WWC1: variants seen among roughly 807,000 people sequenced by gnomAD.
WWC1 encodes protein KIBRA.
In WWC1, 55 loss-of-function variants were observed where a neutral mutation model predicts 138.4. That is an observed-to-expected ratio of 0.40 (90% CI 0.32 to 0.50). WWC1 has a LOEUF of 0.50. Ranked by LOEUF, WWC1 falls within the 20% of genes least tolerant of loss-of-function variation. The pLI, the probability that WWC1 is intolerant of heterozygous loss-of-function variation, is 0.72. For synonymous variants in WWC1, 524 were observed against 564.9 expected, an observed-to-expected ratio of 0.93 and a Z score of 1.03; for missense variants, 1,226 against 1,420.4, an observed-to-expected ratio of 0.86 and a Z score of 2.20.
chr5:168,429,812 G>A (rs571940676), intron 13 of WWC1, among the ~76,000 whole-genome samples: 3 of 152,044 alleles, frequency 2.0e-5, no homozygotes, highest in African/African-American at 4.8e-5. Context: ...GTGAACACCT[G>A]TAGTCCTAGC....
rs1185201126 is a variant in WWC1, at chr5:168,470,713, A to T, written c.*1696A>T. 6.6e-6 allele frequency: 1 copy of T among 152,102 alleles called. No individual in the cohort carries two copies. Among genetic ancestry groups the T allele is most frequent in the Non-Finnish European group, 1.5e-5 (1 of 68,112 alleles). The allele number at this position is 152,102 out of a possible 1,614,324, so 9.4% of individuals were successfully genotyped here. On this transcript the variant is annotated 3_prime_UTR_variant, in exon 23 of 23. Coordinates refer to ENST00000265293, the MANE Select transcript of WWC1 (RefSeq NM_015238.3). ...GCTGGGCGTAGTGGCGCATACCTGT[A>T]ATCCCAGCTACTTGGGTGGCCAAGG...
intron 11 of WWC1, among the ~76,000 whole-genome samples, chr5:168,425,639 A>G (rs188413949): frequency 5.2e-4 from 79 of 150,482 alleles, no homozygotes; most frequent in Admixed American, 3.9e-3. Flanking sequence ...TTACAGGTGC[A>G]CATCACCATG....
intron 16 of WWC1, among the ~76,000 whole-genome samples, chr5:168,442,464 T>C (rs1166814733): frequency 1.4e-5 from 2 of 143,118 alleles, no homozygotes; most frequent in Non-Finnish European, 3.0e-5. Flanking sequence ...AAAATTTAAT[T>C]AAAAAAAAAA....
intron 15 of WWC1, among the ~76,000 whole-genome samples, chr5:168,441,407 A>G (rs1250322519): frequency 6.6e-6 from 1 of 152,186 alleles, no homozygotes; most frequent in Non-Finnish European, 1.5e-5. Context: ...AAGATGGTAA[A>G]CTAAAGGTTT....
chr5:168,432,091 A>G (rs1439381816), intron 15 of WWC1, among the ~76,000 whole-genome samples: 2 of 151,700 alleles, frequency 1.3e-5, no homozygotes, highest in Non-Finnish European at 2.9e-5. Context: ...AAGCAAACAC[A>G]TAGGCATTCA....
At chr5:168,322,689 G>A (rs1294216904) in intron 1 of WWC1, among the ~76,000 whole-genome samples, 1 of 152,180 alleles carries the variant, frequency 6.6e-6, no homozygotes, top group East Asian at 1.9e-4. Flanking sequence ...TTATCTCTTT[G>A]TTACATAAGA....
chr5:168,384,713 C>CTTTTTTTTTTTTTTTTTTT (rs762052940), intron 2 of WWC1, among the ~76,000 whole-genome samples: 1 of 99,638 alleles, frequency 1.0e-5, no homozygotes, highest in Non-Finnish European at 2.0e-5. Flanking sequence ...CTGGTTTATT[C>CTTTTTTTTTTTTTTTTTTT]TTTTTTTTTT....
At position 168,291,967 on chromosome 5, in the gene WWC1, G is replaced by A; in HGVS notation, c.-186G>A. On this transcript the variant is annotated 5_prime_UTR_variant, in exon 1 of 23. Transcript: ENST00000265293. The stretch of plus-strand genomic sequence containing the variant: ...GAGGAGCGGGCGGCGCCGGGTCGGG[G>A]CTGCAGGGCCGCATGGACAGCGGCG... 2 of 491,004 alleles carry A rather than the reference G, an allele frequency of 4.1e-6. No homozygotes were observed. The allele number at this position is 491,004 out of a possible 1,614,324, so 30.4% of individuals were successfully genotyped here. A position where few individuals can be genotyped will look rare whatever the true frequency, so the allele number is the denominator to read the frequency against.
chr5:168,341,756 C>G (rs1159283280), intron 1 of WWC1, among the ~76,000 whole-genome samples: 1 of 151,878 alleles, frequency 6.6e-6, no homozygotes, highest in African/African-American at 2.4e-5. Context: ...CAGATACACA[C>G]CTGCCAGGTG....
chr5:168,379,791 T>C (rs1466533785), intron 2 of WWC1, among the ~76,000 whole-genome samples: 1 of 152,172 alleles, frequency 6.6e-6, no homozygotes, highest in Non-Finnish European at 1.5e-5. Flanking sequence ...ACAACTGGTA[T>C]CCATATGGAA....
intron 10 of WWC1, among the ~76,000 whole-genome samples, chr5:168,422,376 C>G (rs1358934710): frequency 6.6e-6 from 1 of 152,188 alleles, no homozygotes; most frequent in Non-Finnish European, 1.5e-5. Context: ...CACCTGTAAT[C>G]CCAGCACTTT....
chr5:168,368,370 A>G (rs760263009), intron 1 of WWC1, among the ~76,000 whole-genome samples: 1 of 152,208 alleles, frequency 6.6e-6, no homozygotes, highest in Non-Finnish European at 1.5e-5. Context: ...GCTTGGATGC[A>G]CCACTGATTA....
chr5:168,346,769 A>G (rs1028787467), intron 1 of WWC1, among the ~76,000 whole-genome samples: 5 of 152,178 alleles, frequency 3.3e-5, no homozygotes, highest in Non-Finnish European at 2.9e-5. Context: ...CTTAGAAATG[A>G]TTGACAGACA....
At chr5:168,388,055 CT>C (rs1778179033) in intron 3 of WWC1, among the ~76,000 whole-genome samples, 1 of 152,192 alleles carries the variant, frequency 6.6e-6, no homozygotes, top group South Asian at 2.1e-4. Context: ...CTACAAATCA[CT>C]CACTAATTTC....
chr5:168,426,866 G>A (rs140427070), intron 11 of WWC1, among the ~76,000 whole-genome samples: 40 of 152,354 alleles, frequency 2.6e-4, no homozygotes, highest in Admixed American at 1.4e-3. Context: ...GGCCTTCCCC[G>A]CTGCAAGGAG....
intron 1 of WWC1, among the ~76,000 whole-genome samples, chr5:168,366,900 C>T (rs1470132345): frequency 7.0e-6 from 1 of 143,014 alleles, no homozygotes; most frequent in East Asian, 2.1e-4. Flanking sequence ...CAGGTTCAAG[C>T]GATTCTCCTG....
At chr5:168,307,911 A>G (rs7703791) in intron 1 of WWC1, among the ~76,000 whole-genome samples, 52,159 of 151,876 alleles carry the variant, frequency 0.34, 9,428 homozygotes, top group Middle Eastern at 0.43. Context: ...TGCCCGGCCA[A>G]TTTCACCCTT....
intron 1 of WWC1, among the ~76,000 whole-genome samples, chr5:168,320,750 G>A (rs923619123): frequency 3.3e-5 from 5 of 152,122 alleles, no homozygotes. Flanking sequence ...TGAGATGGTG[G>A]CTGGAACTGG....
chr5:168,309,860 C>G (rs72822609), intron 1 of WWC1, among the ~76,000 whole-genome samples: 12,781 of 152,216 alleles, frequency 0.084, 831 homozygotes, highest in South Asian at 0.12. Context: ...GTGTCTGTTT[C>G]TAGGTACCCA....
Sources: gnomAD v4.1 joint callset for allele counts (sites outside exome capture counted in the v4.1 genomes callset) on GRCh38, gnomAD v4.1.1 for gene constraint, MANE v1.5 for transcripts, NCBI Gene and HGNC (gene_info 2026-07-23, HGNC 2026-07-21) for gene names.